Variants in NLGN1 observed in about 807,000 individuals in gnomAD.
The protein encoded by NLGN1 is neuroligin 1.
In NLGN1, 12 loss-of-function variants were observed where a neutral mutation model predicts 65.5. The observed-to-expected ratio is 0.18, with a 90% CI of 0.12 to 0.30. The LOEUF is 0.30. NLGN1 is among the 10% of genes least tolerant of loss of function. The probability of loss-of-function intolerance (pLI) is 1.00; values close to 1 mark genes in which losing one functional copy is unlikely to be tolerated. For missense variants in NLGN1, 750 were observed against 1,007.1 expected (o/e 0.74, Z 3.46); for synonymous variants, 350 against 359.5 (o/e 0.97, Z 0.30).
intron 4 of NLGN1, among the ~76,000 whole-genome samples, chr3:173,975,631 C>T (rs1289544922): frequency 1.3e-5 from 2 of 151,924 alleles, no homozygotes; most frequent in African/African-American, 4.8e-5. Context: ...CCCAAGATTG[C>T]ATGGCATGGG....
chr3:173,517,396 T>A (rs538219781), intron 2 of NLGN1, among the ~76,000 whole-genome samples: 27 of 152,184 alleles, frequency 1.8e-4, no homozygotes, highest in African/African-American at 4.8e-4. Context: ...TTGCAAAATA[T>A]CTCTCACTCT....
chr3:174,244,298 G>A (rs962824567), intron 4 of NLGN1, among the ~76,000 whole-genome samples: 5 of 152,162 alleles, frequency 3.3e-5, no homozygotes, highest in African/African-American at 1.2e-4. Flanking sequence ...TGTTTAATTT[G>A]TGGGAAGTTT....
At chr3:173,500,098 A>T (rs913668868) in intron 2 of NLGN1, among the ~76,000 whole-genome samples, 2 of 151,976 alleles carry the variant, frequency 1.3e-5, no homozygotes, top group East Asian at 3.9e-4. Context: ...GTTGAATAGG[A>T]GTGGTAAGAG....
chr3:173,463,879 C>T (rs1376480391), intron 2 of NLGN1, among the ~76,000 whole-genome samples: 1 of 151,866 alleles, frequency 6.6e-6, no homozygotes, highest in Non-Finnish European at 1.5e-5. Flanking sequence ...TTATATAAAA[C>T]ATTTATATTA....
chr3:173,942,817 TG>T (rs1746399873), intron 4 of NLGN1, among the ~76,000 whole-genome samples: 1 of 152,224 alleles, frequency 6.6e-6, no homozygotes. Context: ...GATACAGACC[TG>T]TATGTTAATG....
At chr3:173,861,368 A>T (rs1729033300) in intron 4 of NLGN1, among the ~76,000 whole-genome samples, 1 of 152,058 alleles carries the variant, frequency 6.6e-6, no homozygotes, top group African/African-American at 2.4e-5. Context: ...ATTAAAAAAA[A>T]ATGATAATAA....
At chr3:174,173,600 G>T (rs1412676250) in intron 4 of NLGN1, among the ~76,000 whole-genome samples, 1 of 151,840 alleles carries the variant, frequency 6.6e-6, no homozygotes, top group African/African-American at 2.4e-5. Context: ...CCTTGATTTT[G>T]TTGTTATGAT....
intron 4 of NLGN1, among the ~76,000 whole-genome samples, chr3:174,029,298 G>A (rs1166296192): frequency 1.3e-5 from 2 of 152,238 alleles, no homozygotes; most frequent in African/African-American, 4.8e-5. Context: ...CCCATCTCTT[G>A]CATCAGTGTG....
chr3:173,415,911 AGAGAGAGG>A (rs1314644107), intron 1 of NLGN1, among the ~76,000 whole-genome samples: 1 of 134,428 alleles, frequency 7.4e-6, no homozygotes, highest in African/African-American at 3.5e-5. Flanking sequence ...ATATAGAGAG[AGAGAGAGG>A]GAGAGAGAGA....
chr3:173,788,206 CAAAAAAAAAAAAAA>C (rs537790655), intron 3 of NLGN1, among the ~76,000 whole-genome samples: 1 of 60,840 alleles, frequency 1.6e-5, no homozygotes, highest in Non-Finnish European at 3.5e-5. Context: ...TGACATTTTG[CAAAAAAAAAAAAAA>C]AAAAAAAGAA....
chr3:173,680,907 G>A (rs1763859978), intron 3 of NLGN1, among the ~76,000 whole-genome samples: 1 of 152,126 alleles, frequency 6.6e-6, no homozygotes, highest in South Asian at 2.1e-4. Flanking sequence ...TTGGAATTTT[G>A]AGACATGGAA....
chr3:174,081,549 C>T (rs1023471930), intron 4 of NLGN1, among the ~76,000 whole-genome samples: 4 of 151,638 alleles, frequency 2.6e-5, no homozygotes, highest in Middle Eastern at 6.8e-3. Flanking sequence ...ATCTAATGCC[C>T]CCCTTACATG....
intron 4 of NLGN1, among the ~76,000 whole-genome samples, chr3:174,086,055 T>C (rs577191328): frequency 3.9e-5 from 6 of 151,976 alleles, no homozygotes; most frequent in Non-Finnish European, 8.8e-5. Flanking sequence ...GGCCAAATAG[T>C]ACAAAAACGT....
Position 174,238,221 on chromosome 3 carries a change from G to C in NLGN1, c.647-37094G>C, listed in dbSNP as rs143943202. Among the ~76,000 whole-genome samples, 753 of 152,024 alleles carry C rather than the reference G, an allele frequency of 5.0e-3. 5 individuals carry two copies. The highest frequency in any genetic ancestry group is 7.9e-3 in the Non-Finnish European group (538 of 67,986). On this transcript the variant is annotated intron_variant, in intron 4 of 6. Coordinates refer to ENST00000457714, the Ensembl canonical transcript of NLGN1. ...CCTTGCTAATTTGTACTTGCTAATT[G>C]CCTCCTTTGCAGCTGCCCTAATGTC...
chr3:174,139,084 C>T (rs2152685796), intron 4 of NLGN1, among the ~76,000 whole-genome samples: 1 of 151,872 alleles, frequency 6.6e-6, no homozygotes, highest in African/African-American at 2.4e-5. Context: ...AAGTATATTG[C>T]ACATCTTGCA....
intron 1 of NLGN1, among the ~76,000 whole-genome samples, chr3:173,414,059 G>A (rs73047907): frequency 0.055 from 8,442 of 152,222 alleles, 776 homozygotes; most frequent in African/African-American, 0.19. Context: ...TGCCTCCAAA[G>A]CATCTTCATA....
At chr3:173,774,913 A>G (rs1207482730) in intron 3 of NLGN1, among the ~76,000 whole-genome samples, 2 of 152,108 alleles carry the variant, frequency 1.3e-5, no homozygotes, top group African/African-American at 4.8e-5. Context: ...TTTAAACCCG[A>G]TAAAATCTTT....
chr3:174,217,341 T>G (rs978910234), intron 4 of NLGN1, among the ~76,000 whole-genome samples: 1 of 152,140 alleles, frequency 6.6e-6, no homozygotes, highest in Admixed American at 6.5e-5. Flanking sequence ...AATGAAAACA[T>G]AATCTACAGT....
At chr3:174,148,483 T>G (rs1723751411) in intron 4 of NLGN1, among the ~76,000 whole-genome samples, 1 of 152,190 alleles carries the variant, frequency 6.6e-6, no homozygotes, top group Non-Finnish European at 1.5e-5. Flanking sequence ...TAGCTACACT[T>G]GCATTTTTTC....
Sources: gnomAD v4.1 joint callset for allele counts (sites outside exome capture counted in the v4.1 genomes callset) on GRCh38, gnomAD v4.1.1 for gene constraint, MANE v1.5 for transcripts, NCBI Gene and HGNC (gene_info 2026-07-23, HGNC 2026-07-21) for gene names.